The following LDB2 variants were observed in gnomAD, a reference collection of about 807,000 sequenced individuals.
The protein encoded by LDB2 is LIM domain binding 2, also known as LIM domain-binding protein 2.
In LDB2, 12 loss-of-function variants were observed where a neutral mutation model predicts 44.3. That is an observed-to-expected ratio of 0.27 (90% CI 0.17 to 0.44). The LOEUF is 0.44. Ranked by LOEUF, LDB2 falls within the 20% of genes least tolerant of loss-of-function variation. The probability of loss-of-function intolerance (pLI) is 1.00; values close to 1 mark genes in which losing one functional copy is unlikely to be tolerated. For synonymous variants in LDB2, 164 were observed against 174.8 expected, an observed-to-expected ratio of 0.94 and a Z score of 0.49; for missense variants, 344 against 473.5, an observed-to-expected ratio of 0.73 and a Z score of 2.54.
intron 2 of LDB2, among the ~76,000 whole-genome samples, chr4:16,659,199 A>G (rs1436639030): frequency 6.6e-6 from 1 of 152,178 alleles, no homozygotes; most frequent in Non-Finnish European, 1.5e-5. Context: ...ATGAAATTGC[A>G]TGTGTGGAAA....
chr4:16,854,247 TATC>T (rs1359220114), intron 1 of LDB2, among the ~76,000 whole-genome samples: 1 of 151,736 alleles, frequency 6.6e-6, no homozygotes, highest in African/African-American at 2.4e-5. Context: ...TATTCAATAA[TATC>T]ATATTGTATA....
At chr4:16,620,907 T>C (rs1728692711) in intron 2 of LDB2, among the ~76,000 whole-genome samples, 1 of 152,214 alleles carries the variant, frequency 6.6e-6, no homozygotes, top group Admixed American at 6.5e-5. Flanking sequence ...GATGGCATCT[T>C]TTACATCTAC....
chr4:16,746,558 G>A (rs931541714), intron 2 of LDB2, among the ~76,000 whole-genome samples: 3 of 152,240 alleles, frequency 2.0e-5, no homozygotes, highest in South Asian at 2.1e-4. Flanking sequence ...AGGCCAAGGC[G>A]GCCCACTCAC....
At chr4:16,562,380 AC>A (rs1314170922) in intron 5 of LDB2, among the ~76,000 whole-genome samples, 3 of 152,232 alleles carry the variant, frequency 2.0e-5, no homozygotes, top group South Asian at 4.1e-4. Flanking sequence ...CAAGAAAAAA[AC>A]AACCCCATCA....
chr4:16,573,171 G>C (rs1747182288), intron 5 of LDB2, among the ~76,000 whole-genome samples: 1 of 152,190 alleles, frequency 6.6e-6, no homozygotes. Flanking sequence ...TGGGGATAAT[G>C]ATACTTATCA....
At chr4:16,503,635 C>T (rs1011190908) in intron 7 of LDB2, among the ~76,000 whole-genome samples, 3 of 152,196 alleles carry the variant, frequency 2.0e-5, no homozygotes, top group African/African-American at 7.2e-5. Context: ...TATCACCACA[C>T]AGGCAACCCT....
intron 1 of LDB2, among the ~76,000 whole-genome samples, chr4:16,834,316 T>G (rs1368595378): frequency 6.6e-6 from 1 of 152,232 alleles, no homozygotes. Flanking sequence ...GAAAAATGAA[T>G]GAACTGCCAA....
chr4:16,513,016 A>ATGAT lies in LDB2; in HGVS notation c.616-916_616-913dup, dbSNP rs1266646438. ...CACATTAATCACTATTGCAATTACA[A>ATGAT]TGATATAAATATCGGCCATGCACCT... On this transcript the variant is annotated intron_variant, in intron 5 of 7. Transcript: ENST00000304523. Among the ~76,000 whole-genome samples the ATGAT allele has an allele frequency of 2.6e-5, 4 of 152,354 alleles. No homozygotes were observed. The South Asian group carries it at 8.3e-4, about 32-fold the overall frequency.
At chr4:16,585,173 C>T (rs760821792) in intron 5 of LDB2, among the ~76,000 whole-genome samples, 2 of 152,160 alleles carry the variant, frequency 1.3e-5, no homozygotes, top group Non-Finnish European at 2.9e-5. Context: ...ATTCTGACTG[C>T]GGAGACCAGA....
At chr4:16,853,717 G>A (rs148213869) in intron 1 of LDB2, among the ~76,000 whole-genome samples, 10 of 152,170 alleles carry the variant, frequency 6.6e-5, no homozygotes, top group South Asian at 4.2e-4. Flanking sequence ...TCAAGATGTG[G>A]GCACAACAAG....
At chr4:16,628,919 T>C (rs535448146) in intron 2 of LDB2, among the ~76,000 whole-genome samples, 2 of 152,340 alleles carry the variant, frequency 1.3e-5, no homozygotes, top group African/African-American at 4.8e-5. Context: ...ACTTTTCCCA[T>C]GGTCTCACAA....
At chr4:16,706,130 G>A (rs1425572070) in intron 2 of LDB2, among the ~76,000 whole-genome samples, 1 of 152,080 alleles carries the variant, frequency 6.6e-6, no homozygotes, top group Non-Finnish European at 1.5e-5. Context: ...TACTCAGCAG[G>A]CCTTTTGATG....
At chr4:16,536,170 G>A (rs954718191) in intron 5 of LDB2, among the ~76,000 whole-genome samples, 1 of 152,184 alleles carries the variant, frequency 6.6e-6, no homozygotes, top group African/African-American at 2.4e-5. Flanking sequence ...ACTGGACCAG[G>A]AGAAGAACAG....
intron 2 of LDB2, among the ~76,000 whole-genome samples, chr4:16,672,866 TCTC>T (rs1745243634): frequency 6.7e-6 from 1 of 150,252 alleles, no homozygotes; most frequent in Non-Finnish European, 1.5e-5. Context: ...CCTCCCTCCC[TCTC>T]TTTCTTCCTT....
chr4:16,606,930 G>A (rs1454556070), intron 2 of LDB2, among the ~76,000 whole-genome samples: 1 of 152,216 alleles, frequency 6.6e-6, no homozygotes, highest in Non-Finnish European at 1.5e-5. Flanking sequence ...AGACATATGT[G>A]TGTAATTTCC....
At chr4:16,635,071 C>T (rs1189415751) in intron 2 of LDB2, among the ~76,000 whole-genome samples, 2 of 152,026 alleles carry the variant, frequency 1.3e-5, no homozygotes, top group Non-Finnish European at 2.9e-5. Flanking sequence ...TGTTCTCACT[C>T]ATAAGTGGGA....
intron 2 of LDB2, among the ~76,000 whole-genome samples, chr4:16,706,713 C>T (rs896471378): frequency 3.9e-5 from 6 of 152,260 alleles, no homozygotes; most frequent in Non-Finnish European, 2.9e-5. Flanking sequence ...TTAACTCAAA[C>T]GTAGAAGAAA....
intron 5 of LDB2, among the ~76,000 whole-genome samples, chr4:16,514,354 T>TGACA (rs1406324533): frequency 6.6e-6 from 1 of 152,226 alleles, no homozygotes; most frequent in Non-Finnish European, 1.5e-5. Context: ...CACATAATTC[T>TGACA]GACAAACACG....
intron 1 of LDB2, among the ~76,000 whole-genome samples, chr4:16,817,283 C>T (rs1000107207): frequency 2.0e-5 from 3 of 152,200 alleles, no homozygotes; most frequent in Non-Finnish European, 2.9e-5. Context: ...GATATAATTC[C>T]TATTCTCCCC....
Sources: allele counts gnomAD v4.1 joint callset (sites outside exome capture counted in the v4.1 genomes callset), GRCh38; gene constraint gnomAD v4.1.1; transcripts MANE v1.5; gene names NCBI Gene and HGNC (gene_info 2026-07-23, HGNC 2026-07-21).